WNK1: variants seen among roughly 807,000 people sequenced by gnomAD.
The protein encoded by WNK1 is serine/threonine-protein kinase WNK1.
Under a neutral mutation model 222.8 loss-of-function variants are expected in WNK1, and 38 were observed. That is an observed-to-expected ratio of 0.17 (90% CI 0.13 to 0.22). WNK1 has a LOEUF of 0.22. WNK1 is among the 10% of genes least tolerant of loss of function. The pLI, the probability that WNK1 is intolerant of heterozygous loss-of-function variation, is 1.00. For missense variants in WNK1, 2,348 were observed against 2,918.4 expected (o/e 0.80, Z 4.50); for synonymous variants, 1,090 against 1,092.9 (o/e 1.00, Z 0.05).
In WNK1 at chr12:883,042, G is replaced by A; in HGVS notation, c.3472G>A (p.Glu1158Lys). The A allele has an allele frequency of 6.2e-7, 1 of 1,610,998 alleles. No homozygotes were observed. Among genetic ancestry groups the A allele is most frequent in the Non-Finnish European group, 8.5e-7 (1 of 1,177,158 alleles). Residue 1158 changes from glutamate (E) to lysine (K), a missense_variant, in exon 15 of 28, where the codon GAG becomes AAG. Transcript: ENST00000315939. ...KFDLDGDNPEEIATIMVNNDF... is the reference protein window; with the variant it reads ...KFDLDGDNPEKIATIMVNNDF... Reference sequence around the variant, plus strand: ...TGACCTAGATGGTGACAACCCCGAGGAGATAGCAACAATTATGGTACGTCT... The same window carrying A: ...TGACCTAGATGGTGACAACCCCGAGAAGATAGCAACAATTATGGTACGTCT...
chr12:761,415 T>G (rs1426666373), intron 1 of WNK1, among the ~76,000 whole-genome samples: 1 of 148,108 alleles, frequency 6.8e-6, no homozygotes, highest in Non-Finnish European at 1.5e-5. Flanking sequence ...TTTTAACAGT[T>G]TGAATTTAAG....
At position 788,296 on chromosome 12, in the gene WNK1, G is replaced by A. The variant is rs560601437; in HGVS notation, c.760-25346G>A. 6.0e-4 allele frequency among the ~76,000 whole-genome samples: 91 copies of A among 151,802 alleles called. No individual in the cohort carries two copies. The South Asian group carries it at 0.012, about 21-fold the overall frequency. ...TGAGTATATTATTTCACAATAGATT[G>A]TCCTTCATATCAGCTTCTTGAAATT... On this transcript the variant is annotated intron_variant, in intron 1 of 27. Coordinates refer to ENST00000315939, the MANE Select transcript of WNK1 (RefSeq NM_018979.4).
rs980226322 is a variant in WNK1, at chr12:757,759, C to T, written c.759+3435C>T. 1.4e-5 allele frequency among the ~76,000 whole-genome samples: 2 copies of T among 145,122 alleles called. 1 individual carries two copies. The highest frequency in any genetic ancestry group is 4.5e-4 in the South Asian group (2 of 4,452). ...TCCTTTAAGAAAACATTGATGGAGC[C>T]GGGTGCGGTGGCTCACGCCTGTAAT... is the stretch of plus-strand genomic sequence containing the variant. On this transcript the variant is annotated intron_variant, in intron 1 of 27. Transcript: ENST00000315939.
At chr12:813,256 A>C (rs2154008971) in intron 1 of WNK1, among the ~76,000 whole-genome samples, 1 of 152,320 alleles carries the variant, frequency 6.6e-6, no homozygotes, top group Non-Finnish European at 1.5e-5. Context: ...CAAAAATAAA[A>C]ACAATGTTTT....
chr12:872,889 A>G (rs1004995877), intron 9 of WNK1, among the ~76,000 whole-genome samples: 13 of 152,246 alleles, frequency 8.5e-5, no homozygotes, highest in Non-Finnish European at 1.8e-4. Flanking sequence ...GGCACTTTCT[A>G]CAGAAACAGT....
At chr12:803,765 A>G (rs905043223) in intron 1 of WNK1, among the ~76,000 whole-genome samples, 1 of 152,172 alleles carries the variant, frequency 6.6e-6, no homozygotes, top group Non-Finnish European at 1.5e-5. Context: ...AAAAAGAAAT[A>G]TGGCAAAACA....
chr12:886,160 C>G (rs1953628193), intron 19 of WNK1, 76 bp downstream of exon 19: 1 of 1,289,930 alleles, frequency 7.8e-7, no homozygotes, highest in Admixed American at 2.5e-5. Context: ...TTTTTCACTT[C>G]AGCCTTGTAA....
chr12:760,770 T>A lies in WNK1; in HGVS notation c.759+6446T>A, dbSNP rs973580794. Among the ~76,000 whole-genome samples the A allele has an allele frequency of 2.7e-5, 4 of 146,340 alleles. 1 individual carries two copies. The highest frequency in any genetic ancestry group is 6.8e-5 in the Admixed American group (1 of 14,752). ...TTAATTTTATATGTAGTTTTTTTTTTATTGTTGTTGTTTTTGATGGGGTCT... is the reference window on the plus strand; with the variant it reads ...TTAATTTTATATGTAGTTTTTTTTTAATTGTTGTTGTTTTTGATGGGGTCT... On this transcript the variant is annotated intron_variant, in intron 1 of 27. Coordinates refer to ENST00000315939, the MANE Select transcript of WNK1 (RefSeq NM_018979.4).
At chr12:861,691 G>T (rs1374586153) in intron 7 of WNK1, among the ~76,000 whole-genome samples, 1 of 152,170 alleles carries the variant, frequency 6.6e-6, no homozygotes, top group Non-Finnish European at 1.5e-5. Context: ...CCATCAGTCT[G>T]GTTGAGCTCT....
chr12:830,062 G>A lies in WNK1; in HGVS notation c.1213G>A (p.Val405Ile). 6.2e-7 allele frequency: 1 copy of A among 1,614,122 alleles called. No homozygotes were observed. The highest frequency in any genetic ancestry group is 8.5e-7 in the Non-Finnish European group (1 of 1,179,998). ...GGAGAAATATGATGAATCCGTTGAC[G>A]TTTATGCTTTTGGGATGTGCATGCT... ...YEEKYDESVD[V>I]YAFGMCMLEM... Residue 405 changes from valine to isoleucine, a missense_variant, in exon 4 of 28, where the codon GTT becomes ATT. Coordinates refer to ENST00000315939, the MANE Select transcript of WNK1 (RefSeq NM_018979.4).
At chr12:883,929 G>A (rs1953416398) in intron 17 of WNK1, 98 bp downstream of exon 17, 39 of 1,525,842 alleles carry the variant, frequency 2.6e-5, no homozygotes, top group Non-Finnish European at 2.9e-5. Context: ...TCAGGAGGCC[G>A]AGGCACGAGA....
intron 4 of WNK1, among the ~76,000 whole-genome samples, chr12:835,611 C>G (rs1474612627): frequency 6.6e-6 from 1 of 151,860 alleles, no homozygotes; most frequent in East Asian, 1.9e-4. Flanking sequence ...TTGTGCCTCA[C>G]CTGGAGTTTA....
At chr12:802,227 A>T (rs1280033362) in intron 1 of WNK1, among the ~76,000 whole-genome samples, 1 of 152,234 alleles carries the variant, frequency 6.6e-6, no homozygotes, top group Non-Finnish European at 1.5e-5. Context: ...AATACTAATT[A>T]GTTACGAGGA....
chr12:758,408 T>G (rs1171875299), intron 1 of WNK1, among the ~76,000 whole-genome samples: 4 of 90,394 alleles, frequency 4.4e-5, no homozygotes, highest in African/African-American at 1.6e-4. Flanking sequence ...TGAGACGGAG[T>G]CTCGCTCTGT....
chr12:877,711 A>G (rs1952757507), intron 9 of WNK1, among the ~76,000 whole-genome samples: 1 of 152,224 alleles, frequency 6.6e-6, no homozygotes, highest in South Asian at 2.1e-4. Flanking sequence ...TTCCAAATCC[A>G]GTGCTTTCCT....
At chr12:887,079 G>GAGT in intron 19 of WNK1, 142 bp from the exon 20 acceptor site, 2 of 790,824 alleles carry the variant, frequency 2.5e-6, no homozygotes, top group Non-Finnish European at 4.3e-6. Flanking sequence ...AGATACCAGA[G>GAGT]AGTAACCTCA....
Position 760,762 on chromosome 12 carries a change from T to G in WNK1, c.759+6438T>G, listed in dbSNP as rs1344468829. ...TAGCAGGCTTAATTTTATATGTAGTTTTTTTTTTATTGTTGTTGTTTTTGA... is the reference window on the plus strand; with the variant it reads ...TAGCAGGCTTAATTTTATATGTAGTGTTTTTTTTATTGTTGTTGTTTTTGA... On this transcript the variant is annotated intron_variant, in intron 1 of 27. Coordinates refer to ENST00000315939, the MANE Select transcript of WNK1 (RefSeq NM_018979.4). Among the ~76,000 whole-genome samples, 3 of 144,414 alleles carry G rather than the reference T, an allele frequency of 2.1e-5. 1 individual carries two copies. Among genetic ancestry groups the G allele is most frequent in the Non-Finnish European group, 4.6e-5 (3 of 64,792 alleles). 94.7% of individuals were successfully genotyped at this position (144,414 alleles called of 152,430 possible). A position where few individuals can be genotyped will look rare whatever the true frequency, so the allele number is the denominator to read the frequency against.
At chr12:796,942 G>A (rs1369539756) in intron 1 of WNK1, among the ~76,000 whole-genome samples, 1 of 151,502 alleles carries the variant, frequency 6.6e-6, no homozygotes, top group Admixed American at 6.6e-5. Context: ...ATTCTCCACA[G>A]TATAAATTTT....
intron 1 of WNK1, among the ~76,000 whole-genome samples, chr12:772,655 T>G (rs1942672449): frequency 6.6e-6 from 1 of 152,214 alleles, no homozygotes; most frequent in Non-Finnish European, 1.5e-5. Context: ...ATTTTTTTAA[T>G]TCTCAGTAAG....
Sources: gnomAD v4.1 joint callset for allele counts (sites outside exome capture counted in the v4.1 genomes callset) on GRCh38, gnomAD v4.1.1 for gene constraint, MANE v1.5 for transcripts, NCBI Gene and HGNC (gene_info 2026-07-23, HGNC 2026-07-21) for gene names.